Variants in PELI2 observed in about 807,000 individuals in gnomAD.
PELI2 encodes the protein pellino E3 ubiquitin protein ligase family member 2.
In PELI2, 23 loss-of-function variants were observed where a neutral mutation model predicts 42.3. That is an observed-to-expected ratio of 0.54 (90% CI 0.39 to 0.77). The LOEUF (loss-of-function observed/expected upper bound fraction) is 0.77. Among genes scored for constraint, PELI2 ranks in the 30% least tolerant of loss-of-function variants. The pLI is 0.00. For missense variants in PELI2, 463 were observed against 553.2 expected (o/e 0.84, Z 1.64); for synonymous variants, 245 against 212.2 (o/e 1.15, Z -1.34).
intron 1 of PELI2, among the ~76,000 whole-genome samples, chr14:56,160,048 A>G (rs1317707361): frequency 2.0e-5 from 3 of 149,768 alleles, no homozygotes; most frequent in Non-Finnish European, 3.0e-5. Flanking sequence ...TTTGTTTTGC[A>G]TGTTCTTTTT....
intron 2 of PELI2, among the ~76,000 whole-genome samples, chr14:56,238,654 G>GT (rs1887877084): frequency 6.6e-6 from 1 of 152,112 alleles, no homozygotes; most frequent in Non-Finnish European, 1.5e-5. Flanking sequence ...TTGTAATAAG[G>GT]TTTGTTCTAA....
chr14:56,155,534 G>A (rs1884526743), intron 1 of PELI2, among the ~76,000 whole-genome samples: 1 of 151,228 alleles, frequency 6.6e-6, no homozygotes, highest in African/African-American at 2.4e-5. Flanking sequence ...TATTTCTGAA[G>A]TGTTTCTTCT....
chr14:56,244,525 A>G (rs921674542), intron 2 of PELI2, among the ~76,000 whole-genome samples: 2 of 152,188 alleles, frequency 1.3e-5, no homozygotes, highest in African/African-American at 2.4e-5. Context: ...AGGCACTGAT[A>G]ATGAACAAAA....
At chr14:56,208,002 G>A (rs1886580257) in intron 2 of PELI2, among the ~76,000 whole-genome samples, 1 of 152,212 alleles carries the variant, frequency 6.6e-6, no homozygotes, top group Non-Finnish European at 1.5e-5. Flanking sequence ...AGACATATAA[G>A]TTGTAAAAGC....
Position 56,181,551 on chromosome 14 carries a change from T to G in PELI2, c.207+3087T>G, listed in dbSNP as rs907592478. ...TAGAAGGGTAGGTGTGGTTATTCATTGCTAGGATTTAAGCTCTTTGCCTTT... is the reference window on the plus strand; with the variant it reads ...TAGAAGGGTAGGTGTGGTTATTCATGGCTAGGATTTAAGCTCTTTGCCTTT... On this transcript the variant is annotated intron_variant, in intron 2 of 5. Coordinates refer to ENST00000267460, the MANE Select transcript of PELI2 (RefSeq NM_021255.3). 2.1e-4 allele frequency among the ~76,000 whole-genome samples: 32 copies of G among 152,100 alleles called. 1 individual carries two copies. Among genetic ancestry groups the G allele is most frequent in the Admixed American group, 1.9e-3 (29 of 15,268 alleles).
intron 1 of PELI2, among the ~76,000 whole-genome samples, chr14:56,159,705 T>A (rs926645163): frequency 1.2e-4 from 18 of 152,218 alleles, no homozygotes; most frequent in African/African-American, 4.1e-4. Context: ...GTTATATTAA[T>A]ATATACTTAA....
intron 1 of PELI2, among the ~76,000 whole-genome samples, chr14:56,166,491 G>C (rs1884968641): frequency 6.6e-6 from 1 of 152,038 alleles, no homozygotes; most frequent in South Asian, 2.1e-4. Context: ...ATTATCTATT[G>C]CTCATTAATG....
chr14:56,191,627 C>G (rs959881202), intron 2 of PELI2, among the ~76,000 whole-genome samples: 1 of 152,190 alleles, frequency 6.6e-6, no homozygotes, highest in Non-Finnish European at 1.5e-5. Flanking sequence ...ATGAGGAACT[C>G]CTTCCATTCC....
intron 2 of PELI2, among the ~76,000 whole-genome samples, chr14:56,181,659 T>C (rs891836695): frequency 1.3e-5 from 2 of 152,160 alleles, no homozygotes; most frequent in African/African-American, 4.8e-5. Context: ...ATCCCTTTGC[T>C]GGTGGTCGTG....
chr14:56,233,249 A>G (rs1229375046), intron 2 of PELI2, among the ~76,000 whole-genome samples: 2 of 152,226 alleles, frequency 1.3e-5, no homozygotes, highest in Non-Finnish European at 2.9e-5. Flanking sequence ...ATTGGAAAAA[A>G]CTACTTTAAA....
At chr14:56,182,425 G>A (rs1024403336) in intron 2 of PELI2, among the ~76,000 whole-genome samples, 7 of 152,182 alleles carry the variant, frequency 4.6e-5, no homozygotes. Context: ...GGTGGTGGTG[G>A]TGACGGTGTG....
intron 5 of PELI2, among the ~76,000 whole-genome samples, chr14:56,292,565 A>G (rs1034337855): frequency 2.6e-5 from 4 of 152,260 alleles, no homozygotes; most frequent in Non-Finnish European, 5.9e-5. Flanking sequence ...GTGAGCTGCT[A>G]AAAGTCTAAA....
At chr14:56,145,606 A>C (rs1474328609) in intron 1 of PELI2, among the ~76,000 whole-genome samples, 1 of 152,210 alleles carries the variant, frequency 6.6e-6, no homozygotes, top group African/African-American at 2.4e-5. Flanking sequence ...TAAAGCTCCA[A>C]AATAGATTAG....
intron 2 of PELI2, among the ~76,000 whole-genome samples, chr14:56,186,824 G>A (rs541189258): frequency 1.2e-4 from 18 of 152,208 alleles, no homozygotes; most frequent in African/African-American, 4.1e-4. Flanking sequence ...TGTCCTTAAA[G>A]CATAATTTTA....
chr14:56,123,629 T>A (rs560932321), intron 1 of PELI2, among the ~76,000 whole-genome samples: 1 of 152,348 alleles, frequency 6.6e-6, no homozygotes, highest in Non-Finnish European at 1.5e-5. Context: ...TATTTCTCTC[T>A]TTAACACACC....
At chr14:56,184,126 C>T (rs965172905) in intron 2 of PELI2, among the ~76,000 whole-genome samples, 4 of 151,652 alleles carry the variant, frequency 2.6e-5, no homozygotes, top group African/African-American at 7.3e-5. Context: ...AACGGTCAGC[C>T]GAAGATGGGA....
chr14:56,127,554 G>A (rs375475623), intron 1 of PELI2, among the ~76,000 whole-genome samples: 1 of 152,300 alleles, frequency 6.6e-6, no homozygotes, highest in African/African-American at 2.4e-5. Flanking sequence ...AGCAAGCCAA[G>A]GCAGAAGATG....
chr14:56,123,973 T>A (rs77459973), intron 1 of PELI2, among the ~76,000 whole-genome samples: 2,641 of 152,324 alleles, frequency 0.017, 46 homozygotes, highest in Non-Finnish European at 0.025. Flanking sequence ...TTGGTAGACC[T>A]CATTGGTATG....
intron 2 of PELI2, among the ~76,000 whole-genome samples, chr14:56,261,255 T>G (rs372938452): frequency 3.3e-5 from 5 of 152,318 alleles, no homozygotes; most frequent in African/African-American, 1.2e-4. Context: ...ATGACTCAGA[T>G]TCAATGGCCA....
Sources: gnomAD v4.1 joint callset for allele counts (sites outside exome capture counted in the v4.1 genomes callset) on GRCh38, gnomAD v4.1.1 for gene constraint, MANE v1.5 for transcripts, NCBI Gene and HGNC (gene_info 2026-07-23, HGNC 2026-07-21) for gene names.